Variants in TACC1 observed in about 807,000 individuals in gnomAD.
TACC1 encodes the protein transforming acidic coiled-coil-containing protein 1.
A neutral mutation model predicts 84.4 loss-of-function variants in TACC1; 48 were observed. That is an observed-to-expected ratio of 0.57 (90% CI 0.45 to 0.72). The LOEUF (loss-of-function observed/expected upper bound fraction) is 0.72, where lower values mean the gene tolerates loss of function less well. Ranked by LOEUF, TACC1 falls within the 30% of genes least tolerant of loss-of-function variation. The pLI, the probability that TACC1 is intolerant of heterozygous loss-of-function variation, is 0.00. For missense variants in TACC1, 920 were observed against 973.0 expected (o/e 0.95, Z 0.72); for synonymous variants, 372 against 376.3 (o/e 0.99, Z 0.13).
intron 2 of TACC1, among the ~76,000 whole-genome samples, chr8:38,795,017 T>C (rs948486809): frequency 2.0e-5 from 3 of 152,260 alleles, no homozygotes; most frequent in Admixed American, 2.0e-4. Flanking sequence ...ATATAGCTAC[T>C]TTGTTTTTTC....
intron 3 of TACC1, among the ~76,000 whole-genome samples, chr8:38,763,233 T>C (rs1338999782): frequency 6.6e-6 from 1 of 152,052 alleles, no homozygotes; most frequent in Non-Finnish European, 1.5e-5. Context: ...CACTGAAGCC[T>C]TGAACTCCTG....
At chr8:38,847,891 A>T in intron 12 of TACC1, 64 bp from the exon 13 acceptor site, 1 of 1,394,168 alleles carries the variant, frequency 7.2e-7, no homozygotes, top group Non-Finnish European at 1.0e-6. Context: ...GGGACTAGTT[A>T]ACTCTATTTG....
At chr8:38,795,333 C>T (rs575324866) in intron 2 of TACC1, among the ~76,000 whole-genome samples, 1 of 152,294 alleles carries the variant, frequency 6.6e-6, no homozygotes, top group Non-Finnish European at 1.5e-5. Context: ...CACAATTTTT[C>T]TTTTAAGATG....
At chr8:38,787,223 GGCCGGGAGGCGGGAGTCCGCGA>G (rs1460011908) in exon 1 of TACC1, 2 of 998,844 alleles carry the variant, frequency 2.0e-6, no homozygotes, top group Non-Finnish European at 2.4e-6. Flanking sequence ...GCGCCCCGCC[GGCCGGGAGGCGGGAGTCCGCGA>G]GCCGGGAGCG....
intron 2 of TACC1, among the ~76,000 whole-genome samples, chr8:38,801,624 T>C (rs563279962): frequency 1.3e-5 from 2 of 152,298 alleles, no homozygotes; most frequent in East Asian, 3.9e-4. Flanking sequence ...TACTATAGCT[T>C]TGTAGTAAGT....
chr8:38,801,023 T>C (rs148146438), intron 2 of TACC1, among the ~76,000 whole-genome samples: 169 of 152,378 alleles, frequency 1.1e-3, no homozygotes, highest in African/African-American at 3.9e-3. Context: ...CAACTTTTCA[T>C]GTAGCTATTG....
chr8:38,808,271 T>G (rs1823227299), intron 2 of TACC1, among the ~76,000 whole-genome samples: 1 of 152,202 alleles, frequency 6.6e-6, no homozygotes, highest in Non-Finnish European at 1.5e-5. Context: ...AACAGTGCTT[T>G]CAGATGAAAA....
intron 2 of TACC1, among the ~76,000 whole-genome samples, chr8:38,802,873 C>T (rs1160752637): frequency 6.6e-6 from 1 of 152,130 alleles, no homozygotes; most frequent in Non-Finnish European, 1.5e-5. Flanking sequence ...AGCAACAAGC[C>T]GTTCATGAGG....
At chr8:38,793,095 A>G (rs1215980176) in intron 2 of TACC1, among the ~76,000 whole-genome samples, 1 of 152,232 alleles carries the variant, frequency 6.6e-6, no homozygotes, top group Non-Finnish European at 1.5e-5. Flanking sequence ...TAATTAGTGT[A>G]GAAGCTCTCA....
chr8:38,760,950 T>C (rs34678540), intron 3 of TACC1, among the ~76,000 whole-genome samples: 19,411 of 152,248 alleles, frequency 0.13, 1,440 homozygotes, highest in East Asian at 0.3. Flanking sequence ...CATGCTGGGC[T>C]CTTTGGAAGG....
intron 2 of TACC1, among the ~76,000 whole-genome samples, chr8:38,801,437 A>G (rs1308027580): frequency 6.6e-6 from 1 of 152,208 alleles, no homozygotes; most frequent in Non-Finnish European, 1.5e-5. Context: ...GCATGTGGAT[A>G]TCCAGTTGTC....
chr8:38,751,151 A>G (rs1808962204), intron 3 of TACC1, among the ~76,000 whole-genome samples: 2 of 152,162 alleles, frequency 1.3e-5, no homozygotes, highest in South Asian at 4.2e-4. Context: ...TGACTTCCCA[A>G]GGTGGCCAAT....
chr8:38,795,061 C>G (rs1279932723), intron 2 of TACC1, among the ~76,000 whole-genome samples: 2 of 152,166 alleles, frequency 1.3e-5, no homozygotes, highest in African/African-American at 4.8e-5. Flanking sequence ...GAGATTCCAA[C>G]CAGCTAATAA....
intron 2 of TACC1, among the ~76,000 whole-genome samples, chr8:38,798,385 G>A (rs1196972541): frequency 6.6e-6 from 1 of 152,190 alleles, no homozygotes. Flanking sequence ...TTACCAAGTG[G>A]TTTTCCAGAT....
chr8:38,761,713 T>G (rs1346040258), intron 3 of TACC1, among the ~76,000 whole-genome samples: 1 of 152,238 alleles, frequency 6.6e-6, no homozygotes, highest in Non-Finnish European at 1.5e-5. Context: ...ACAAAATATT[T>G]GTTGTCATTA....
intron 2 of TACC1, among the ~76,000 whole-genome samples, chr8:38,791,149 C>T (rs1050408916): frequency 1.5e-4 from 23 of 152,224 alleles, no homozygotes; most frequent in Admixed American, 7.8e-4. Flanking sequence ...TGATTCATCC[C>T]GCCAGATTCT....
chr8:38,786,914 A>T (rs918322547), upstream of TACC1, among the ~76,000 whole-genome samples: 7 of 152,002 alleles, frequency 4.6e-5, no homozygotes, highest in Non-Finnish European at 7.4e-5. Flanking sequence ...GAAAATGTTT[A>T]AAAAAATTTT....
chr8:38,761,971 T>G (rs575409626), intron 3 of TACC1, among the ~76,000 whole-genome samples: 26 of 152,288 alleles, frequency 1.7e-4, no homozygotes, highest in African/African-American at 6.0e-4. Flanking sequence ...CCGAAGGAAA[T>G]GATTTGAATT....
At chr8:38,798,937 A>G (rs1282777536) in intron 2 of TACC1, among the ~76,000 whole-genome samples, 2 of 152,204 alleles carry the variant, frequency 1.3e-5, no homozygotes, top group Non-Finnish European at 2.9e-5. Context: ...CATATATAAA[A>G]TACACTTCAA....
Sources: allele counts gnomAD v4.1 joint callset (sites outside exome capture counted in the v4.1 genomes callset), GRCh38; gene constraint gnomAD v4.1.1; transcripts MANE v1.5; gene names NCBI Gene and HGNC (gene_info 2026-07-23, HGNC 2026-07-21).